LMTK3: variants seen among roughly 807,000 people sequenced by gnomAD.
LMTK3 encodes serine/threonine-protein kinase LMTK3.
In LMTK3, 27 loss-of-function variants were observed where a neutral mutation model predicts 116.7. That is an observed-to-expected ratio of 0.23 (90% CI 0.17 to 0.32). LMTK3 has a LOEUF of 0.32. Ranked by LOEUF, LMTK3 falls within the 10% of genes least tolerant of loss-of-function variation. LMTK3 has a pLI of 1.00. For synonymous variants in LMTK3, 965 were observed against 971.0 expected, an observed-to-expected ratio of 0.99 and a Z score of 0.11; for missense variants, 1,764 against 2,068.5, an observed-to-expected ratio of 0.85 and a Z score of 2.86.
chr19:48,503,744 A>C (rs575777481), intron 5 of LMTK3, among the ~76,000 whole-genome samples: 2 of 151,630 alleles, frequency 1.3e-5, no homozygotes, highest in East Asian at 3.9e-4. Context: ...GGTTTTCCCA[A>C]ACCTGCAGGC....
upstream of LMTK3, among the ~76,000 whole-genome samples, chr19:48,512,733 T>C (rs1319039065): frequency 2.0e-5 from 3 of 151,702 alleles, no homozygotes; most frequent in East Asian, 3.9e-4. Context: ...CTCACATGGA[T>C]ACACACAGAC....
chr19:48,490,046 G>T (rs1601040068), intron 14 of LMTK3, among the ~76,000 whole-genome samples: 1 of 152,184 alleles, frequency 6.6e-6, no homozygotes, highest in East Asian at 1.9e-4. Context: ...GAAACTAGGG[G>T]CGGCATGACC....
Position 48,502,978 on chromosome 19 carries a change from A to G in LMTK3, c.576T>C (p.Asn192=), listed in dbSNP as rs1215572751. Residue 192 remains asparagine, a synonymous_variant, in exon 6 of 15, where the codon AAT becomes AAC. Coordinates refer to ENST00000600059, the MANE Select transcript of LMTK3 (RefSeq NM_001388485.1). The part of the protein sequence containing the change: ...AQPYRSLQHP[N]VLQCLGLCVE... ...CGCACAGACCCAGGCACTGGAGGACATTGGGGTGCTGCAGGCTCCTGTGGA... is the reference window on the plus strand; with the variant it reads ...CGCACAGACCCAGGCACTGGAGGACGTTGGGGTGCTGCAGGCTCCTGTGGA... 12 of 1,612,638 alleles carry G rather than the reference A, an allele frequency of 7.4e-6. No homozygotes were observed. The highest frequency in any genetic ancestry group is 1.0e-5 in the Non-Finnish European group (12 of 1,179,102).
chr19:48,498,040 C>T lies in LMTK3; in HGVS notation c.3029G>A (p.Arg1010Lys), dbSNP rs1569102667. The change falls in exon 11 of 15, where the codon AGA becomes AAA. Residue 1010 changes from arginine (R) to lysine (K), a missense_variant. Physicochemically the swap from Arg to Lys is conservative, Grantham distance 26. Transcript: ENST00000600059. ...EDKVSENGGLRFPRNTERPPE... is the reference protein window; with the variant it reads ...EDKVSENGGLKFPRNTERPPE... ...TGGCCTCTCCGTGTTCCTGGGGAAT[C>T]TCAGGCCCCCATTCTCTGACACCTT... The T allele has an allele frequency of 6.2e-7, 1 of 1,612,934 alleles. No individual in the cohort carries two copies. Among genetic ancestry groups the T allele is most frequent in the South Asian group, 1.1e-5 (1 of 91,054 alleles).
intron 5 of LMTK3, among the ~76,000 whole-genome samples, chr19:48,504,745 A>C (rs372310652): frequency 2.5e-4 from 38 of 152,134 alleles, no homozygotes; most frequent in African/African-American, 8.4e-4. Flanking sequence ...AATGGGTTTC[A>C]CCATGTTGGC....
rs889839856 is a variant in LMTK3 at position 48,491,781 on chromosome 19, G to A, written c.4093-242C>T. 6.6e-5 allele frequency among the ~76,000 whole-genome samples: 10 copies of A among 152,272 alleles called. No individual in the cohort carries two copies. The South Asian group carries it at 2.1e-3, about 32-fold the overall frequency. On this transcript the variant is annotated intron_variant, in intron 12 of 14. Coordinates refer to ENST00000600059, the MANE Select transcript of LMTK3 (RefSeq NM_001388485.1). The surrounding 1 kb of genome is among the most constrained non-coding windows in gnomAD (Gnocchi z 5.1). ...TCCTGACAGCGGAGCCCCGCGCACA[G>A]CTAAGTAGCCCAACGCAGGGATTCT...
chr19:48,510,198 G>A (rs1164313934), intron 2 of LMTK3, 25 bp from the exon 3 acceptor site: 2 of 1,603,510 alleles, frequency 1.2e-6, no homozygotes, highest in Non-Finnish European at 1.7e-6. Context: ...GGAGAAGAGG[G>A]GTGGGAGAAC....
At chr19:48,506,030 T>C (rs895541067) in intron 5 of LMTK3, among the ~76,000 whole-genome samples, 1 of 151,126 alleles carries the variant, frequency 6.6e-6, no homozygotes, top group African/African-American at 2.4e-5. Flanking sequence ...TAATCGCAGC[T>C]ACTCTGGAGG....
chr19:48,485,630 AG>A lies in LMTK3; in HGVS notation c.*142del. 4.4e-6 allele frequency: 3 copies of A among 686,866 alleles called. No homozygotes were observed. The highest frequency in any genetic ancestry group is 3.4e-5 in the South Asian group (2 of 58,664). 42.5% of individuals were successfully genotyped at this position (686,866 alleles called of 1,614,324 possible). A position where few individuals can be genotyped will look rare whatever the true frequency, so the allele number is the denominator to read the frequency against. ...CGGGGCCTCCCGTTTGGCACATGGT[AG>A]GGGAGTGGGAGGGGGAGGGCCCAGC... On this transcript the variant is annotated 3_prime_UTR_variant, in exon 15 of 15. Coordinates refer to ENST00000600059, the MANE Select transcript of LMTK3 (RefSeq NM_001388485.1).
Position 48,509,503 on chromosome 19 carries a change from G to A in LMTK3, c.372C>T (p.Thr124=), listed in dbSNP as rs760425108. Residue 124 remains threonine (T), a synonymous_variant, in exon 4 of 15, where the codon ACC becomes ACT. Coordinates refer to ENST00000600059, the MANE Select transcript of LMTK3 (RefSeq NM_001388485.1). The part of the protein sequence containing the change: ...APQPSHSDMT[T]PLGLSRQHLS... ...GGTGCTGCCGGCTAAGGCCCAGGGG[G>A]GTGGTCATGTCTGGGGAGGGCAAGA... 23 of 1,555,950 alleles carry A rather than the reference G, an allele frequency of 1.5e-5. No individual in the cohort carries two copies. The highest frequency in any genetic ancestry group is 1.7e-5 in the Non-Finnish European group (20 of 1,148,988).
At chr19:48,486,975 C>T (rs969915181) in intron 14 of LMTK3, among the ~76,000 whole-genome samples, 3 of 151,968 alleles carry the variant, frequency 2.0e-5, no homozygotes, top group Admixed American at 6.6e-5. Flanking sequence ...AAGCAATTCT[C>T]CTGCTTCAGC....
chr19:48,504,837 C>T (rs571199947), intron 5 of LMTK3, among the ~76,000 whole-genome samples: 4 of 152,012 alleles, frequency 2.6e-5, no homozygotes, highest in Admixed American at 2.0e-4. Flanking sequence ...CATGAGCCAC[C>T]GTGCCCAGGC....
At position 48,497,730 on chromosome 19, in the gene LMTK3, GC is replaced by G; in HGVS notation, c.3338del (p.Gly1113AlafsTer26). On this transcript the variant is annotated frameshift_variant, in exon 11 of 15. Coordinates refer to ENST00000600059, the MANE Select transcript of LMTK3 (RefSeq NM_001388485.1). LOFTEE classifies it high-confidence loss of function. The surrounding 1 kb of genome is among the most constrained non-coding windows in gnomAD (Gnocchi z 5.7). ...GAGRLDLGSG[G>X]RAPVGTGTAP... is the part of the protein sequence containing the mutation. ...CCGTCCCCGTGCCCACTGGGGCTCG[GC>G]CCCCACTCCCGAGGTCCAGCCTCCC... 1 of 1,338,034 alleles carries G rather than the reference GC, an allele frequency of 7.5e-7. No homozygotes were observed. The highest frequency in any genetic ancestry group is 2.1e-5 in the South Asian group (1 of 48,346). The allele number at this position is 1,338,034 out of a possible 1,614,324, so 82.9% of individuals were successfully genotyped here. A position where few individuals can be genotyped will look rare whatever the true frequency, so the allele number is the denominator to read the frequency against.
chr19:48,493,176 G>A (rs888182174), intron 12 of LMTK3, among the ~76,000 whole-genome samples: 2 of 151,352 alleles, frequency 1.3e-5, no homozygotes, highest in Non-Finnish European at 2.9e-5. Flanking sequence ...TCCTAGGCGC[G>A]GTCTCCTTCC....
chr19:48,493,793 C>T lies in LMTK3; in HGVS notation c.3993G>A (p.Lys1331=). ...DAARPLRGLL[K]SPRGADEPED... is the part of the protein sequence containing the mutation. ...CTGGCTCGTCGGCCCCGCGCGGAGA[C>T]TTGAGCAGCCCCCGCAGCGGGCGGG... is the stretch of plus-strand genomic sequence containing the variant. The change falls in exon 12 of 15, where the codon AAG becomes AAA. Residue 1331 remains lysine (K), a synonymous_variant. Transcript: ENST00000600059. 1 of 1,527,858 alleles carries T rather than the reference C, an allele frequency of 6.5e-7. No homozygotes were observed. Among genetic ancestry groups the T allele is most frequent in the Non-Finnish European group, 8.8e-7 (1 of 1,138,104 alleles). 94.6% of individuals were successfully genotyped at this position (1,527,858 alleles called of 1,614,324 possible).
Position 48,485,584 on chromosome 19 carries a change from G to C in LMTK3, c.*189C>G. ...TCAGGGGGGTCAGGGGAGCCATCTG[G>C]GGGGCTGGGGGGCGGGGGCCCGGGG... On this transcript the variant is annotated 3_prime_UTR_variant, in exon 15 of 15. Coordinates refer to ENST00000600059, the MANE Select transcript of LMTK3 (RefSeq NM_001388485.1). 1.6e-6 allele frequency: 1 copy of C among 612,484 alleles called. No homozygotes were observed. Among genetic ancestry groups the C allele is most frequent in the Non-Finnish European group, 2.8e-6 (1 of 351,176 alleles). 37.9% of individuals were successfully genotyped at this position (612,484 alleles called of 1,614,324 possible). A position where few individuals can be genotyped will look rare whatever the true frequency, so the allele number is the denominator to read the frequency against.
Position 48,499,689 on chromosome 19 carries a change from G to A in LMTK3, c.1380C>T (p.Ala460=). Residue 460 remains alanine (A), a synonymous_variant, in exon 11 of 15, where the codon GCC becomes GCT. Coordinates refer to ENST00000600059, the MANE Select transcript of LMTK3 (RefSeq NM_001388485.1). ...PFPLLDGFPG[A]DPDDVLTVTE... is the part of the protein sequence containing the mutation. ...TGACCGTGAGCACATCGTCGGGGTC[G>A]GCTCCAGGGAAGCCATCCAGTAGGG... The A allele has an allele frequency of 3.9e-6, 6 of 1,528,886 alleles. No homozygotes were observed. Among genetic ancestry groups the A allele is most frequent in the East Asian group, 2.5e-5 (1 of 40,446 alleles). The allele number at this position is 1,528,886 out of a possible 1,614,324, so 94.7% of individuals were successfully genotyped here.
At chr19:48,512,255 C>T (rs1205461064), upstream of LMTK3, among the ~76,000 whole-genome samples, 2 of 152,120 alleles carry the variant, frequency 1.3e-5, no homozygotes, top group African/African-American at 4.8e-5. Context: ...GACACGTACA[C>T]GTCACACACA....
chr19:48,493,969 G>T lies in LMTK3; in HGVS notation c.3817C>A (p.Pro1273Thr), dbSNP rs1601044027. 9.6e-7 allele frequency: 1 copy of T among 1,044,452 alleles called. No individual in the cohort carries two copies. Among genetic ancestry groups the T allele is most frequent in the East Asian group, 8.9e-5 (1 of 11,262 alleles). The allele number at this position is 1,044,452 out of a possible 1,614,324, so 64.7% of individuals were successfully genotyped here. Residue 1273 changes from proline (P) to threonine (T), a missense_variant, in exon 12 of 15, where the codon CCG becomes ACG. Coordinates refer to ENST00000600059, the MANE Select transcript of LMTK3 (RefSeq NM_001388485.1). ...GEAGGAGAPG[P>T]AEEDGEDEDE... Reference sequence around the variant, plus strand: ...TCGTCCTCCCCGTCCTCCTCCGCCGGCCCCGGCGCTCCCGCCCCGCCGGCC... The same window carrying T: ...TCGTCCTCCCCGTCCTCCTCCGCCGTCCCCGGCGCTCCCGCCCCGCCGGCC...
Sources: gnomAD v4.1 joint callset for allele counts (sites outside exome capture counted in the v4.1 genomes callset) on GRCh38, gnomAD v4.1.1 for gene constraint, Gnocchi (gnomAD v3.1) non-coding constraint, MANE v1.5 for transcripts, NCBI Gene and HGNC (gene_info 2026-07-23, HGNC 2026-07-21) for gene names.